SPART: variants seen among roughly 807,000 people sequenced by gnomAD.
SPART encodes the protein spastic paraplegia 20 (Troyer syndrome).
In SPART, 35 loss-of-function variants were observed where a neutral mutation model predicts 58.7. The ratio of observed to expected loss-of-function variants is 0.60; its 90% confidence interval spans 0.46 to 0.79. The LOEUF is 0.79. Ranked by LOEUF, SPART falls within the 30% of genes least tolerant of loss-of-function variation. The pLI is 0.00. For synonymous variants in SPART, 284 were observed against 280.7 expected, an observed-to-expected ratio of 1.01 and a Z score of -0.12; for missense variants, 730 against 786.1, an observed-to-expected ratio of 0.93 and a Z score of 0.85.
At chr13:36,364,689 G>A (rs964784069) in intron 1 of SPART, among the ~76,000 whole-genome samples, 2 of 152,164 alleles carry the variant, frequency 1.3e-5, no homozygotes, top group African/African-American at 4.8e-5. Context: ...GAGGGGCCCT[G>A]AAAATTGACC....
intron 8 of SPART, among the ~76,000 whole-genome samples, chr13:36,309,239 G>A (rs12583956): frequency 0.13 from 17,536 of 131,082 alleles, 1,166 homozygotes; most frequent in Middle Eastern, 0.2. Flanking sequence ...GTGAAACTCC[G>A]TCTCAAAAAA....
intron 1 of SPART, among the ~76,000 whole-genome samples, chr13:36,359,579 T>C (rs1885757814): frequency 6.6e-6 from 1 of 152,242 alleles, no homozygotes; most frequent in Non-Finnish European, 1.5e-5. Context: ...CCCTCAAAGC[T>C]TGTTTCCAAC....
intron 1 of SPART, among the ~76,000 whole-genome samples, chr13:36,368,878 A>G (rs1027797170): frequency 2.0e-5 from 3 of 152,194 alleles, no homozygotes; most frequent in African/African-American, 7.2e-5. Flanking sequence ...GCTTGCCTGT[A>G]ATCCCAGCTA....
chr13:36,344,539 C>T (rs1884879705), intron 1 of SPART, among the ~76,000 whole-genome samples: 1 of 152,128 alleles, frequency 6.6e-6, no homozygotes, highest in African/African-American at 2.4e-5. Flanking sequence ...TCAGTCTAAT[C>T]TCTGGGGAAT....
Position 36,303,401 on chromosome 13 carries a change from G to A in SPART, c.*964C>T, listed in dbSNP as rs956267323. 1.9e-4 allele frequency: 29 copies of A among 152,048 alleles called. No individual in the cohort carries two copies. Among genetic ancestry groups the A allele is most frequent in the African/African-American group, 6.8e-4 (28 of 41,408 alleles). 9.4% of individuals were successfully genotyped at this position (152,048 alleles called of 1,614,324 possible). A position where few individuals can be genotyped will look rare whatever the true frequency, so the allele number is the denominator to read the frequency against. On this transcript the variant is annotated 3_prime_UTR_variant, in exon 9 of 9. Transcript: ENST00000438666. ...GGAAACCATAATGCCTATCCACCAT[G>A]GATTACGTCTAAGGTTTTCATATTC... is the stretch of plus-strand genomic sequence containing the variant.
chr13:36,309,705 A>G (rs1024267131), intron 8 of SPART, among the ~76,000 whole-genome samples: 3 of 152,158 alleles, frequency 2.0e-5, no homozygotes, highest in African/African-American at 7.2e-5. Context: ...AGATGACAAC[A>G]ATAGACACTG....
At chr13:36,307,964 A>G (rs1880683637) in intron 8 of SPART, among the ~76,000 whole-genome samples, 1 of 152,148 alleles carries the variant, frequency 6.6e-6, no homozygotes, top group Non-Finnish European at 1.5e-5. Flanking sequence ...TAAAATAACT[A>G]TTTTGGAGAG....
intron 1 of SPART, among the ~76,000 whole-genome samples, chr13:36,368,885 G>C (rs952238619): frequency 2.0e-4 from 31 of 152,170 alleles, no homozygotes; most frequent in African/African-American, 6.8e-4. Flanking sequence ...TGTAATCCCA[G>C]CTACTCGGGA....
rs921671752 is a variant in SPART at position 36,335,270 on chromosome 13, A to T, written c.561T>A (p.Tyr187Ter). 1 of 1,614,170 alleles carries T rather than the reference A, an allele frequency of 6.2e-7. No homozygotes were observed. The change falls in exon 2 of 9, where the codon TAT (tyrosine) becomes TAA (stop). Residue 187 changes from tyrosine to a stop codon, truncating the protein, a stop_gained. Transcript: ENST00000438666. LOFTEE classifies it high-confidence loss of function. ...ATGAAAACTCCCCAGAATCTGTTCC[A>T]TAGGATACAGTGTAGTGACCTTCAG... The part of the protein sequence containing the change: ...QAAEGHYTVS[Y>*]GTDSGEFSSV...
chr13:36,319,921 C>T (rs1482291791), intron 5 of SPART, among the ~76,000 whole-genome samples: 3 of 152,156 alleles, frequency 2.0e-5, no homozygotes, highest in African/African-American at 7.2e-5. Context: ...GCCAATCTGT[C>T]TGACTGATCT....
At chr13:36,314,090 T>C in intron 6 of SPART, 137 bp downstream of exon 6, 2 of 882,616 alleles carry the variant, frequency 2.3e-6, no homozygotes, top group Non-Finnish European at 3.5e-6. Context: ...TCACTATGAA[T>C]AACAAAGAGA....
chr13:36,310,612 T>C (rs1300680156), intron 8 of SPART, among the ~76,000 whole-genome samples: 1 of 152,192 alleles, frequency 6.6e-6, no homozygotes, highest in Non-Finnish European at 1.5e-5. Flanking sequence ...CAATACAGTA[T>C]ACTTGTTTCT....
intron 1 of SPART, among the ~76,000 whole-genome samples, chr13:36,369,278 T>G (rs1886184380): frequency 6.6e-6 from 1 of 152,170 alleles, no homozygotes; most frequent in Non-Finnish European, 1.5e-5. Flanking sequence ...ATTAGGAGTG[T>G]TGCAATGTAC....
intron 5 of SPART, among the ~76,000 whole-genome samples, chr13:36,324,387 T>C (rs1882707311): frequency 6.6e-6 from 1 of 152,174 alleles, no homozygotes; most frequent in Non-Finnish European, 1.5e-5. Context: ...AGAGGCCATG[T>C]GTAGGCACTC....
At chr13:36,324,800 G>A (rs1047277257) in intron 5 of SPART, among the ~76,000 whole-genome samples, 8 of 152,200 alleles carry the variant, frequency 5.3e-5, no homozygotes, top group African/African-American at 1.9e-4. Context: ...GGAGATAAGG[G>A]TGGGGCCGTT....
At chr13:36,311,460 T>C (rs1881094596) in intron 8 of SPART, among the ~76,000 whole-genome samples, 1 of 152,244 alleles carries the variant, frequency 6.6e-6, no homozygotes, top group African/African-American at 2.4e-5. Context: ...TTTAACAGTC[T>C]GTATACCGAG....
chr13:36,360,260 A>G (rs1885798496), intron 1 of SPART, among the ~76,000 whole-genome samples: 1 of 151,548 alleles, frequency 6.6e-6, no homozygotes, highest in Non-Finnish European at 1.5e-5. Context: ...GCGCCACTGC[A>G]CTCCAGCCTG....
intron 6 of SPART, chr13:36,313,948 A>C (rs538097888): frequency 4.2e-4 from 187 of 448,730 alleles, no homozygotes; most frequent in Admixed American, 2.4e-4. Flanking sequence ...CTCAAACTTT[A>C]ATGTGCAAAT....
At position 36,309,176 on chromosome 13, in the gene SPART, G is replaced by A. The variant is rs181979744; in HGVS notation, c.1733+2969C>T. On this transcript the variant is annotated intron_variant, in intron 8 of 8. Transcript: ENST00000438666. ...GGAGAATGGTGTGAACCTGGGAGGC[G>A]GAGGTTGCAGTGAGCCAAGATTGCG... Among the ~76,000 whole-genome samples, 319 of 151,540 alleles carry A rather than the reference G, an allele frequency of 2.1e-3. 10 individuals carry two copies. In the East Asian group the frequency reaches 0.053, roughly 25 times the overall value.
Sources: allele counts gnomAD v4.1 joint callset (sites outside exome capture counted in the v4.1 genomes callset), GRCh38; gene constraint gnomAD v4.1.1; transcripts MANE v1.5; gene names NCBI Gene and HGNC (gene_info 2026-07-23, HGNC 2026-07-21).